Variants in STXBP5L observed in about 807,000 individuals in gnomAD.
STXBP5L encodes the protein syntaxin binding protein 5L.
A neutral mutation model predicts 144.5 loss-of-function variants in STXBP5L; 65 were observed. That is an observed-to-expected ratio of 0.45 (90% CI 0.37 to 0.55). The LOEUF is 0.55. Ranked by LOEUF, STXBP5L falls within the 20% of genes least tolerant of loss-of-function variation. The pLI, the probability that STXBP5L is intolerant of heterozygous loss-of-function variation, is 0.00. For synonymous variants in STXBP5L, 505 were observed against 469.6 expected (o/e 1.08, Z -0.97); for missense variants, 1,298 against 1,405.5 (o/e 0.92, Z 1.22).
At chr3:121,372,713 G>A (rs568888008) in intron 20 of STXBP5L, among the ~76,000 whole-genome samples, 11 of 151,748 alleles carry the variant, frequency 7.2e-5, no homozygotes, top group Non-Finnish European at 1.6e-4. Flanking sequence ...GATCTGATAG[G>A]AGTGTGCCAG....
chr3:121,402,106 G>T (rs1391477628), intron 22 of STXBP5L, among the ~76,000 whole-genome samples: 1 of 152,120 alleles, frequency 6.6e-6, no homozygotes, highest in Non-Finnish European at 1.5e-5. Flanking sequence ...AGCTGATCTT[G>T]AGTATATAAG....
chr3:121,045,621 C>A, intron 5 of STXBP5L, 86 bp downstream of exon 5: 1 of 1,155,766 alleles, frequency 8.7e-7, no homozygotes, highest in Non-Finnish European at 1.2e-6. Context: ...AGGCTTTTTT[C>A]CTCATAATCT....
At chr3:121,090,698 CATT>C (rs1472051966) in intron 5 of STXBP5L, among the ~76,000 whole-genome samples, 2 of 152,068 alleles carry the variant, frequency 1.3e-5, no homozygotes, top group Non-Finnish European at 1.5e-5. Flanking sequence ...GTACTAATAA[CATT>C]GTTGATCATG....
chr3:121,122,041 G>T (rs770262492), intron 7 of STXBP5L, among the ~76,000 whole-genome samples: 67 of 150,710 alleles, frequency 4.4e-4, no homozygotes, highest in Non-Finnish European at 7.6e-4. Flanking sequence ...ACTCAGTTTG[G>T]TAATGAAAAA....
intron 7 of STXBP5L, among the ~76,000 whole-genome samples, chr3:121,137,255 TG>T (rs2107923988): frequency 1.2e-5 from 1 of 85,228 alleles, no homozygotes; most frequent in East Asian, 2.2e-4. Context: ...ATAAAAAAAA[TG>T]TTGGTTTTTT....
chr3:121,171,011 T>C (rs2046691703), intron 9 of STXBP5L, among the ~76,000 whole-genome samples: 2 of 152,180 alleles, frequency 1.3e-5, no homozygotes, highest in African/African-American at 4.8e-5. Flanking sequence ...GTTGGCTTCA[T>C]CCCTGGGAAG....
intron 18 of STXBP5L, among the ~76,000 whole-genome samples, 186 bp from the exon 19 acceptor site, chr3:121,279,619 A>T (rs2050988638): frequency 6.6e-6 from 1 of 151,874 alleles, no homozygotes; most frequent in African/African-American, 2.4e-5. Flanking sequence ...GGTAAATTGT[A>T]TGCCTATTAT....
chr3:121,367,531 C>G (rs2045895087), intron 20 of STXBP5L, among the ~76,000 whole-genome samples: 1 of 147,418 alleles, frequency 6.8e-6, no homozygotes, highest in African/African-American at 2.5e-5. Context: ...TTAAGGATGC[C>G]TTGTATATGA....
At chr3:121,055,771 G>C (rs1273992601) in intron 5 of STXBP5L, among the ~76,000 whole-genome samples, 1 of 151,910 alleles carries the variant, frequency 6.6e-6, no homozygotes, top group Non-Finnish European at 1.5e-5. Flanking sequence ...CATCAGCTTG[G>C]CTCACACAAC....
chr3:121,187,053 C>A (rs1265708818), intron 9 of STXBP5L, among the ~76,000 whole-genome samples: 2 of 152,078 alleles, frequency 1.3e-5, no homozygotes, highest in African/African-American at 4.8e-5. Context: ...ACCCAGCCAT[C>A]CCATTACTGG....
chr3:121,064,022 G>A (rs73189306), intron 5 of STXBP5L, among the ~76,000 whole-genome samples: 5,414 of 152,196 alleles, frequency 0.036, 147 homozygotes, highest in Middle Eastern at 0.082. Context: ...GGCATTCCAA[G>A]CGCCACTGAG....
At chr3:120,980,048 G>T (rs1315583125) in intron 3 of STXBP5L, among the ~76,000 whole-genome samples, 1 of 152,122 alleles carries the variant, frequency 6.6e-6, no homozygotes, top group East Asian at 1.9e-4. Context: ...TTCTGTTGGT[G>T]TTGATTTCCA....
At chr3:121,039,952 ATAGG>A (rs1001115711) in intron 3 of STXBP5L, among the ~76,000 whole-genome samples, 3 of 148,950 alleles carry the variant, frequency 2.0e-5, no homozygotes, top group Non-Finnish European at 4.4e-5. Flanking sequence ...TTTGAGATAG[ATAGG>A]TAGATAGATG....
intron 10 of STXBP5L, among the ~76,000 whole-genome samples, chr3:121,211,306 A>G (rs536362826): frequency 6.6e-6 from 1 of 152,312 alleles, no homozygotes; most frequent in South Asian, 2.1e-4. Flanking sequence ...GATGTTGCTT[A>G]TCAGCTTAAG....
At chr3:121,320,598 T>A (rs915079428) in intron 20 of STXBP5L, among the ~76,000 whole-genome samples, 5 of 152,004 alleles carry the variant, frequency 3.3e-5, no homozygotes, top group African/African-American at 1.2e-4. Flanking sequence ...TTGCTGTCAG[T>A]TTTTGGTAGA....
intron 20 of STXBP5L, among the ~76,000 whole-genome samples, chr3:121,358,200 G>C (rs941944085): frequency 6.6e-6 from 1 of 152,058 alleles, no homozygotes; most frequent in Non-Finnish European, 1.5e-5. Context: ...CAAATAGTAG[G>C]TCTGATTCTT....
At chr3:120,962,647 GGTACCA>G in intron 3 of STXBP5L, among the ~76,000 whole-genome samples, 1 of 152,046 alleles carries the variant, frequency 6.6e-6, no homozygotes, top group Non-Finnish European at 1.5e-5. Context: ...TCTCTGTTTT[GGTACCA>G]GTACCATGCT....
chr3:121,074,746 T>G (rs1218440464), intron 5 of STXBP5L, among the ~76,000 whole-genome samples: 1 of 152,194 alleles, frequency 6.6e-6, no homozygotes, highest in Non-Finnish European at 1.5e-5. Context: ...TTCTTTGACC[T>G]AGGTTTAGAG....
At chr3:121,391,688 C>G (rs896980347) in intron 22 of STXBP5L, among the ~76,000 whole-genome samples, 2 of 152,214 alleles carry the variant, frequency 1.3e-5, no homozygotes, top group Non-Finnish European at 2.9e-5. Flanking sequence ...ACTCCAGACC[C>G]TGTTTGCCTT....
Sources: gnomAD v4.1 joint callset for allele counts (sites outside exome capture counted in the v4.1 genomes callset) on GRCh38, gnomAD v4.1.1 for gene constraint, MANE v1.5 for transcripts, NCBI Gene and HGNC (gene_info 2026-07-23, HGNC 2026-07-21) for gene names.